CDH12: variants seen among roughly 807,000 people sequenced by gnomAD.
CDH12 encodes cadherin-12.
In CDH12, 41 loss-of-function variants were observed where a neutral mutation model predicts 74.1. That is an observed-to-expected ratio of 0.55 (90% CI 0.43 to 0.72). The LOEUF (loss-of-function observed/expected upper bound fraction) is 0.72. Among genes scored for constraint, CDH12 ranks in the 30% least tolerant of loss-of-function variants. The pLI is 0.00. For missense variants in CDH12, 945 were observed against 977.2 expected (o/e 0.97, Z 0.44); for synonymous variants, 399 against 355.0 (o/e 1.12, Z -1.39).
chr5:22,208,843 T>C (rs1332522553), intron 4 of CDH12, among the ~76,000 whole-genome samples: 2 of 152,234 alleles, frequency 1.3e-5, no homozygotes, highest in Admixed American at 1.3e-4. Context: ...TAGATCATAT[T>C]CATTCTTTTG....
intron 1 of CDH12, among the ~76,000 whole-genome samples, chr5:22,692,931 A>G (rs2126946045): frequency 6.6e-6 from 1 of 152,174 alleles, no homozygotes; most frequent in South Asian, 2.1e-4. Flanking sequence ...TTTCTATTAA[A>G]GTTGGTTTGA....
Position 22,278,288 on chromosome 5 carries a change from T to C in CDH12, c.-332-65645A>G, listed in dbSNP as rs568905723. 3.9e-5 allele frequency among the ~76,000 whole-genome samples: 6 copies of C among 152,326 alleles called. No homozygotes were observed. In the South Asian group the frequency reaches 1.2e-3, roughly 32 times the overall value. On this transcript the variant is annotated intron_variant, in intron 3 of 14. Transcript: ENST00000382254. Reference sequence around the variant, plus strand: ...TGGTGTGACATTTAAGATCTGAGGTTTGTTGATTTTGCCAACATTTTACAT... The same window carrying C: ...TGGTGTGACATTTAAGATCTGAGGTCTGTTGATTTTGCCAACATTTTACAT...
rs189821447 is a variant in CDH12, at chr5:22,620,408, T to A, written c.-522-115044A>T. On this transcript the variant is annotated intron_variant, in intron 1 of 14. Transcript: ENST00000382254. Reference sequence around the variant, plus strand: ...GAAGGTACAACAGTTCTAAATGTGTTTGAAGTTAATCATAGTCTGAAAATA... The same window carrying A: ...GAAGGTACAACAGTTCTAAATGTGTATGAAGTTAATCATAGTCTGAAAATA... Among the ~76,000 whole-genome samples, 549 of 152,140 alleles carry A rather than the reference T, an allele frequency of 3.6e-3. 1 individual carries two copies. The highest frequency in any genetic ancestry group is 0.01 in the African/African-American group (423 of 41,528).
At chr5:22,282,599 T>G (rs1455824564) in intron 3 of CDH12, among the ~76,000 whole-genome samples, 2 of 152,118 alleles carry the variant, frequency 1.3e-5, no homozygotes, top group East Asian at 1.9e-4. Flanking sequence ...CAGACACTTC[T>G]CAAAAGAAGA....
At chr5:22,650,773 A>T (rs891894478) in intron 1 of CDH12, among the ~76,000 whole-genome samples, 3 of 151,998 alleles carry the variant, frequency 2.0e-5, no homozygotes, top group Admixed American at 6.6e-5. Context: ...CGTGTACAAC[A>T]TCAATATCAG....
chr5:22,163,959 CAT>C (rs1268495569), intron 4 of CDH12, among the ~76,000 whole-genome samples: 9 of 152,138 alleles, frequency 5.9e-5, no homozygotes, highest in Middle Eastern at 3.2e-3. Flanking sequence ...ATTTCATACT[CAT>C]ATAGTTACAT....
Position 22,453,933 on chromosome 5 carries a change from G to C in CDH12, c.-427-48582C>G, listed in dbSNP as rs542503280. Among the ~76,000 whole-genome samples, 6 of 151,948 alleles carry C rather than the reference G, an allele frequency of 3.9e-5. No homozygotes were observed. The East Asian group carries it at 1.2e-3, about 29-fold the overall frequency. Reference sequence around the variant, plus strand: ...GTTATTACAGTTTTCATTAATCCATGAAAATTTGGTATTTTCTATTATGTT... The same window carrying C: ...GTTATTACAGTTTTCATTAATCCATCAAAATTTGGTATTTTCTATTATGTT... On this transcript the variant is annotated intron_variant, in intron 2 of 14. Coordinates refer to ENST00000382254, the MANE Select transcript of CDH12 (RefSeq NM_004061.5).
chr5:22,205,922 T>A (rs992660880), intron 4 of CDH12, among the ~76,000 whole-genome samples: 1 of 152,110 alleles, frequency 6.6e-6, no homozygotes, highest in South Asian at 2.1e-4. Context: ...GACATCCAAC[T>A]ATTCTATGTC....
chr5:21,881,891 C>A (rs1384830300), intron 6 of CDH12, among the ~76,000 whole-genome samples: 1 of 151,958 alleles, frequency 6.6e-6, no homozygotes, highest in African/African-American at 2.4e-5. Flanking sequence ...AAATCTAGCA[C>A]CATTGTAATT....
At position 22,652,075 on chromosome 5, in the gene CDH12, T is replaced by C. The variant is rs1187480471; in HGVS notation, c.-522-146711A>G. ...ATACTTCTAGGATAGAATTCATACA[T>C]ATAGTAACCATGAAATGGAAAAAGA... On this transcript the variant is annotated intron_variant, in intron 1 of 14. Transcript: ENST00000382254. Among the ~76,000 whole-genome samples, 6 of 152,218 alleles carry C rather than the reference T, an allele frequency of 3.9e-5. No individual in the cohort carries two copies. The South Asian group carries it at 1.0e-3, about 26-fold the overall frequency.
chr5:22,851,746 G>A (rs953601514), intron 1 of CDH12, among the ~76,000 whole-genome samples: 3 of 152,144 alleles, frequency 2.0e-5, no homozygotes, highest in African/African-American at 7.2e-5. Flanking sequence ...CAATTCTGAA[G>A]AGACATTCTG....
intron 6 of CDH12, among the ~76,000 whole-genome samples, chr5:21,949,217 G>C (rs1386419037): frequency 8.6e-5 from 13 of 151,930 alleles, no homozygotes; most frequent in Non-Finnish European, 1.8e-4. Context: ...AAATAGGCCC[G>C]AGGCGGGCAG....
chr5:22,496,603 T>C (rs1184054259), intron 2 of CDH12, among the ~76,000 whole-genome samples: 2 of 152,194 alleles, frequency 1.3e-5, no homozygotes, highest in Non-Finnish European at 2.9e-5. Context: ...TATTTTGTTT[T>C]CGTAGCTCTC....
Position 22,449,059 on chromosome 5 carries a change from C to CAT in CDH12, c.-427-43710_-427-43709dup, listed in dbSNP as rs745534535. On this transcript the variant is annotated intron_variant, in intron 2 of 14. Coordinates refer to ENST00000382254, the MANE Select transcript of CDH12 (RefSeq NM_004061.5). The stretch of plus-strand genomic sequence containing the variant: ...GGGAACAAAGACCTTCAGTTTATCT[C>CAT]ATATATATATATATATAATGCCTTG... 2.7e-3 allele frequency among the ~76,000 whole-genome samples: 395 copies of CAT among 147,736 alleles called. 3 individuals are homozygous for CAT. The highest frequency in any genetic ancestry group is 4.7e-3 in the South Asian group (22 of 4,684).
chr5:22,263,663 C>T (rs935603118), intron 3 of CDH12, among the ~76,000 whole-genome samples: 1 of 152,036 alleles, frequency 6.6e-6, no homozygotes, highest in Non-Finnish European at 1.5e-5. Flanking sequence ...TATCTTAAAA[C>T]TTCATAGTGT....
intron 3 of CDH12, among the ~76,000 whole-genome samples, chr5:22,306,813 G>A (rs1401147931): frequency 6.6e-6 from 1 of 152,086 alleles, no homozygotes; most frequent in African/African-American, 2.4e-5. Flanking sequence ...GGAATAAAAT[G>A]GAGAGAATAA....
chr5:22,645,604 T>C (rs536551108), intron 1 of CDH12, among the ~76,000 whole-genome samples: 15 of 152,188 alleles, frequency 9.9e-5, no homozygotes, highest in Non-Finnish European at 1.6e-4. Context: ...TTTGAGAAGA[T>C]TGATTTCAAT....
chr5:22,719,098 C>T (rs1439730800), intron 1 of CDH12, among the ~76,000 whole-genome samples: 1 of 152,144 alleles, frequency 6.6e-6, no homozygotes, highest in Admixed American at 6.5e-5. Context: ...CCTGGAGACA[C>T]CCAGTTTATG....
intron 6 of CDH12, among the ~76,000 whole-genome samples, chr5:21,867,449 G>A (rs1751390066): frequency 6.6e-6 from 1 of 152,038 alleles, no homozygotes; most frequent in Admixed American, 6.5e-5. Context: ...GCCAGGGCGG[G>A]GCTGCCAAAC....
Sources: gnomAD v4.1 joint callset for allele counts (sites outside exome capture counted in the v4.1 genomes callset) on GRCh38, gnomAD v4.1.1 for gene constraint, MANE v1.5 for transcripts, NCBI Gene and HGNC (gene_info 2026-07-23, HGNC 2026-07-21) for gene names.